TAOK2: variants seen among roughly 807,000 people sequenced by gnomAD.
TAOK2 encodes the protein TAO kinase 2.
TAOK2 carries 42 observed loss-of-function variants against 122.5 expected under a neutral mutation model. That is an observed-to-expected ratio of 0.34 (90% CI 0.27 to 0.44). TAOK2 has a LOEUF of 0.44. TAOK2 is among the 20% of genes least tolerant of loss of function. The probability of loss-of-function intolerance (pLI) is 1.00; values close to 1 mark genes in which losing one functional copy is unlikely to be tolerated. For missense variants in TAOK2, 1,264 were observed against 1,644.9 expected, an observed-to-expected ratio of 0.77 and a Z score of 4.01; for synonymous variants, 704 against 677.6, an observed-to-expected ratio of 1.04 and a Z score of -0.61.
At chr16:29,977,928 T>C in intron 2 of TAOK2, 24 bp downstream of exon 2, 1 of 1,614,048 alleles carries the variant, frequency 6.2e-7, no homozygotes, top group Non-Finnish European at 8.5e-7. Context: ...TGGGAGGGTG[T>C]AATAGGGATG....
downstream of TAOK2, chr16:29,990,675 G>A (rs1204638495): frequency 1.8e-6 from 2 of 1,095,536 alleles, no homozygotes; most frequent in Non-Finnish European, 2.6e-6. Flanking sequence ...TCTGATAGAT[G>A]TTGAGACCGC....
chr16:29,977,740 C>T lies in TAOK2; in HGVS notation c.-33C>T. 1.9e-6 allele frequency: 3 copies of T among 1,612,766 alleles called. No individual in the cohort carries two copies. The highest frequency in any genetic ancestry group is 2.5e-6 in the Non-Finnish European group (3 of 1,179,552). ...AGGGTCCCATTTCCATTCCTCAGGC[C>T]AGGCCCCACTCTCAGGGCCCCCAGG... On this transcript the variant is annotated splice_region_variant and 5_prime_UTR_variant, in exon 2 of 16. Coordinates refer to ENST00000308893, the MANE Select transcript of TAOK2 (RefSeq NM_016151.4).
rs1030479623 is a variant in TAOK2, at chr16:29,986,666, G to A, written c.2394G>A (p.Glu798=). 3 of 1,613,066 alleles carry A rather than the reference G, an allele frequency of 1.9e-6. No individual in the cohort carries two copies. Among genetic ancestry groups the A allele is most frequent in the Non-Finnish European group, 2.5e-6 (3 of 1,179,632 alleles). The part of the protein sequence containing the change: ...MLGEEEEAVG[E]RRILGKEGAT... ...GCGAGGAGGAGGAAGCAGTTGGAGA[G>A]AGAAGGATTCTGGGAAAGGAAGGGG... Residue 798 remains glutamate (E), a synonymous_variant, in exon 16 of 16, where the codon GAG becomes GAA. Transcript: ENST00000308893. The surrounding 1 kb of genome is among the most constrained non-coding windows in gnomAD (Gnocchi z 4.2).
Position 29,981,953 on chromosome 16 carries a change from T to C in TAOK2, c.831+13T>C. On this transcript the variant is annotated intron_variant, in intron 10 of 15. Coordinates refer to ENST00000308893, the MANE Select transcript of TAOK2 (RefSeq NM_016151.4). Reference sequence around the variant, plus strand: ...GGTTCTCCTGAAGGTGAGGGCCTGCTGGCCTAGCATTCTCCTGGAACTGTA... The same window carrying C: ...GGTTCTCCTGAAGGTGAGGGCCTGCCGGCCTAGCATTCTCCTGGAACTGTA... The C allele has an allele frequency of 6.2e-7, 1 of 1,604,402 alleles. No homozygotes were observed.
chr16:29,983,527 C>G lies in TAOK2; in HGVS notation c.1285C>G (p.Pro429Ala). ...GGGCTCTGACAACCTATATGATGAC[C>G]CCTACCAGCCAGAGATAACCCCCAG... ...LPGSDNLYDD[P>A]YQPEITPSPL... Residue 429 changes from proline (P) to alanine (A), a missense_variant, in exon 13 of 16, where the codon CCC (proline) becomes GCC (alanine). Coordinates refer to ENST00000308893, the MANE Select transcript of TAOK2 (RefSeq NM_016151.4). 1 of 1,612,982 alleles carries G rather than the reference C, an allele frequency of 6.2e-7. No individual in the cohort carries two copies.
downstream of TAOK2, chr16:29,990,819 G>C: frequency 9.3e-6 from 15 of 1,612,904 alleles, no homozygotes; most frequent in Non-Finnish European, 1.3e-5. Context: ...CAGAGTTCCA[G>C]GCCCTTCGGC....
chr16:29,982,400 C>T lies in TAOK2; in HGVS notation c.832-334C>T, dbSNP rs542526662. On this transcript the variant is annotated intron_variant, in intron 10 of 15. Transcript: ENST00000308893. ...ACTTCAGATTATGTAGTTGGACCCA[C>T]TTGTTTTATAATTGTAGGATACTGT... Among the ~76,000 whole-genome samples the T allele has an allele frequency of 5.9e-5, 9 of 152,332 alleles. No individual in the cohort carries two copies. The East Asian group carries it at 1.4e-3, about 23-fold the overall frequency.
At position 29,986,208 on chromosome 16, in the gene TAOK2, G is replaced by A. The variant is rs2069786307; in HGVS notation, c.1993-57G>A. 3 of 1,503,876 alleles carry A rather than the reference G, an allele frequency of 2.0e-6. No individual in the cohort carries two copies. In the South Asian group the frequency reaches 4.2e-5, roughly 21 times the overall value. The allele number at this position is 1,503,876 out of a possible 1,614,324, so 93.2% of individuals were successfully genotyped here. On this transcript the variant is annotated intron_variant, in intron 15 of 15. Coordinates refer to ENST00000308893, the MANE Select transcript of TAOK2 (RefSeq NM_016151.4). The surrounding 1 kb of genome is among the most constrained non-coding windows in gnomAD (Gnocchi z 4.2). ...CAGCTCCCTCTGCCAAGGAGCCCTG[G>A]CCTCTCACTTCCTTGATACTGACCA...
chr16:29,987,057 G>A lies in TAOK2; in HGVS notation c.2785G>A (p.Glu929Lys). Residue 929 changes from glutamate to lysine, a missense_variant, in exon 16 of 16, where the codon GAA becomes AAA. Physicochemically the swap from Glu to Lys is moderately conservative, Grantham distance 56. Coordinates refer to ENST00000308893, the MANE Select transcript of TAOK2 (RefSeq NM_016151.4). ...TTGTCCTTCCCCCGACATCCCTCCT[G>A]AACCCCCTCCAACACACCTGAGGCC... ...DGCPSPDIPPEPPPTHLRPCP... is the reference protein window; with the variant it reads ...DGCPSPDIPPKPPPTHLRPCP... The A allele has an allele frequency of 6.2e-7, 1 of 1,613,462 alleles. No homozygotes were observed.
In TAOK2 at chr16:29,986,643, G is replaced by A. The variant is rs748859380; in HGVS notation, c.2371G>A (p.Glu791Lys). The part of the protein sequence containing the change: ...EAVLDQRMLG[E>K]EEEAVGERRI... ...AGTCCTGGACCAAAGAATGCTTGGC[G>A]AGGAGGAGGAAGCAGTTGGAGAGAG... The change falls in exon 16 of 16, where the codon GAG (glutamate) becomes AAG (lysine). Residue 791 changes from glutamate (E) to lysine (K), a missense_variant. By Grantham distance (56) the Glu-to-Lys change is moderately conservative. This residue lies in a region of TAOK2 where 824 missense variants were observed against 908.7 expected (regional missense o/e 0.91). Coordinates refer to ENST00000308893, the MANE Select transcript of TAOK2 (RefSeq NM_016151.4). The surrounding 1 kb of genome is among the most constrained non-coding windows in gnomAD (Gnocchi z 4.2). 3.1e-6 allele frequency: 5 copies of A among 1,611,724 alleles called. No individual in the cohort carries two copies. Among genetic ancestry groups the A allele is most frequent in the South Asian group, 1.1e-5 (1 of 90,762 alleles).
downstream of TAOK2, chr16:29,989,528 C>T (rs930370055): frequency 8.1e-6 from 13 of 1,604,210 alleles, no homozygotes; most frequent in African/African-American, 9.4e-5. Flanking sequence ...TCCTCTTCCT[C>T]TTCCTCCTCT....
Position 29,986,555 on chromosome 16 carries a change from T to A in TAOK2, c.2283T>A (p.Ala761=). The change falls in exon 16 of 16, where the codon GCT becomes GCA. Residue 761 remains alanine (A), a synonymous_variant. Transcript: ENST00000308893. The surrounding 1 kb of genome is among the most constrained non-coding windows in gnomAD (Gnocchi z 4.2). ...PPGLPLPIPG[A]LGPPNTGTPI... The stretch of plus-strand genomic sequence containing the variant: ...GCCTTCCACTCCCCATTCCTGGGGC[T>A]CTGGGCCCACCCAACACAGGCACCC... 1 of 1,613,820 alleles carries A rather than the reference T, an allele frequency of 6.2e-7. No homozygotes were observed. Among genetic ancestry groups the A allele is most frequent in the Non-Finnish European group, 8.5e-7 (1 of 1,179,894 alleles).
Position 29,985,700 on chromosome 16 carries a change from G to C in TAOK2, c.1831G>C (p.Glu611Gln). 2 of 1,607,732 alleles carry C rather than the reference G, an allele frequency of 1.2e-6. No individual in the cohort carries two copies. The highest frequency in any genetic ancestry group is 1.7e-6 in the Non-Finnish European group (2 of 1,177,650). Residue 611 changes from glutamate to glutamine, a missense_variant, in exon 15 of 16, where the codon GAG becomes CAG. Glu to Gln is a conservative substitution (Grantham distance 29, BLOSUM62 2). Coordinates refer to ENST00000308893, the MANE Select transcript of TAOK2 (RefSeq NM_016151.4). This position sits in a 1 kb window ranked among gnomAD's most constrained non-coding sequence, Gnocchi z 6.9. ...CAGCACTCCCAAGCGGGAGAAGGCC[G>C]AGTGGCTGCTGCGGCAGAAGGAGCA... ...NPSTPKREKA[E>Q]WLLRQKEQLQ...
chr16:29,976,276 G>C (rs1246217598), intron 1 of TAOK2, among the ~76,000 whole-genome samples: 2 of 152,144 alleles, frequency 1.3e-5, no homozygotes, highest in Non-Finnish European at 2.9e-5. Context: ...AGGGAGAAAA[G>C]GGCCGGCTTT....
chr16:29,988,346 C>T lies in TAOK2; in HGVS notation c.*366C>T. ...TCCCTTCCAACCTGTCCCCTTCCCC[C>T]CACCAAAAAAAGAAAAAGACAAACA... On this transcript the variant is annotated 3_prime_UTR_variant, in exon 16 of 16. Transcript: ENST00000308893. 4.3e-6 allele frequency: 6 copies of T among 1,385,446 alleles called. No individual in the cohort carries two copies. Among genetic ancestry groups the T allele is most frequent in the Non-Finnish European group, 5.7e-6 (6 of 1,051,590 alleles). 85.8% of individuals were successfully genotyped at this position (1,385,446 alleles called of 1,614,324 possible).
downstream of TAOK2, chr16:29,989,116 A>G (rs1269504159): frequency 1.0e-6 from 1 of 984,910 alleles, no homozygotes; most frequent in Non-Finnish European, 1.2e-6. Context: ...TGCTTTCTTC[A>G]TGGGTGTTTT....
intron 8 of TAOK2, chr16:29,980,938 A>G (rs1387235148): frequency 1.3e-5 from 2 of 152,416 alleles, no homozygotes; most frequent in African/African-American, 4.8e-5. Flanking sequence ...GACCATTGTT[A>G]TGCAGTAATG....
At chr16:29,976,789 G>A (rs2069468689) in intron 1 of TAOK2, among the ~76,000 whole-genome samples, 1 of 152,194 alleles carries the variant, frequency 6.6e-6, no homozygotes, top group Non-Finnish European at 1.5e-5. Context: ...CTCTGACCTT[G>A]GAGAAGTCCT....
chr16:29,988,978 TC>T, downstream of TAOK2: 3 of 985,240 alleles, frequency 3.0e-6, no homozygotes, highest in Non-Finnish European at 3.6e-6. Flanking sequence ...TTTGCCCCTT[TC>T]TCCTCTGCGG....
Sources: allele counts gnomAD v4.1 joint callset (sites outside exome capture counted in the v4.1 genomes callset), GRCh38; gene constraint gnomAD v4.1.1; regional missense constraint gnomAD v4.1.1; non-coding constraint Gnocchi (gnomAD v3.1); transcripts MANE v1.5; gene names NCBI Gene and HGNC (gene_info 2026-07-23, HGNC 2026-07-21).